ACO2: variants seen among roughly 807,000 people sequenced by gnomAD.
The protein encoded by ACO2 is aconitase 2.
ACO2 carries 31 observed loss-of-function variants against 84.5 expected under a neutral mutation model. The ratio of observed to expected loss-of-function variants is 0.37; its 90% CI spans 0.28 to 0.50. The LOEUF (loss-of-function observed/expected upper bound fraction) is 0.50. ACO2 is among the 20% of genes least tolerant of loss of function. The probability of loss-of-function intolerance (pLI) is 0.97; values close to 1 mark genes in which losing one functional copy is unlikely to be tolerated. For synonymous variants in ACO2, 414 were observed against 412.7 expected (o/e 1.00, Z -0.04); for missense variants, 685 against 1,029.3 (o/e 0.67, Z 4.58).
At chr22:41,524,419 G>C (rs570162030) in intron 12 of ACO2, among the ~76,000 whole-genome samples, 30 of 152,290 alleles carry the variant, frequency 2.0e-4, no homozygotes, top group Admixed American at 1.1e-3. Context: ...ACATGGCCAG[G>C]CTCTCTTGAC....
At chr22:41,492,773 C>CA (rs1008123694) in intron 1 of ACO2, among the ~76,000 whole-genome samples, 5 of 151,266 alleles carry the variant, frequency 3.3e-5, no homozygotes, top group Non-Finnish European at 5.9e-5. Context: ...AACTCCATCT[C>CA]AAAAAAAATA....
intron 1 of ACO2, among the ~76,000 whole-genome samples, chr22:41,498,513 C>G (rs1407950045): frequency 6.6e-6 from 1 of 152,160 alleles, no homozygotes; most frequent in Non-Finnish European, 1.5e-5. Flanking sequence ...AAGATGTCAG[C>G]CGGGGCTAGC....
chr22:41,506,289 A>C (rs1206316815), intron 2 of ACO2, among the ~76,000 whole-genome samples: 1 of 149,422 alleles, frequency 6.7e-6, no homozygotes, highest in Non-Finnish European at 1.5e-5. Flanking sequence ...GTCTTGCTCT[A>C]TTGCCCAGGC....
intron 9 of ACO2, chr22:41,521,684 T>C (rs762684246): frequency 6.6e-6 from 1 of 152,014 alleles, no homozygotes; most frequent in Non-Finnish European, 1.5e-5. Context: ...AGAAAAAAAA[T>C]ATTTGGTGGT....
intron 1 of ACO2, 36 bp downstream of exon 1, chr22:41,469,218 CG>C (rs751698753): frequency 8.8e-6 from 14 of 1,599,022 alleles, no homozygotes; most frequent in East Asian, 2.3e-5. Context: ...TTCACGGGGG[CG>C]GGGTGCCTCC....
intron 1 of ACO2, among the ~76,000 whole-genome samples, chr22:41,478,429 C>A (rs1285279938): frequency 6.6e-6 from 1 of 152,176 alleles, no homozygotes; most frequent in East Asian, 1.9e-4. Context: ...CAGGCGTGAG[C>A]CACTGCGCCT....
rs375450980 is a variant in ACO2 at position 41,515,952 on chromosome 22, C to T, written c.835+35C>T. On this transcript the variant is annotated intron_variant, in intron 6 of 17. Transcript: ENST00000216254. The surrounding 1 kb of genome is among the most constrained non-coding windows in gnomAD (Gnocchi z 5.8). Reference sequence around the variant, plus strand: ...GCGGCCAGGCGACGTGGCCCCTACCCTGTGCTGGGCCTGATGGGTCTCCAG... The same window carrying T: ...GCGGCCAGGCGACGTGGCCCCTACCTTGTGCTGGGCCTGATGGGTCTCCAG... The T allele has an allele frequency of 4.1e-5, 65 of 1,599,472 alleles. No homozygotes were observed. In the African/African-American group the frequency reaches 7.0e-4, roughly 17 times the overall value.
At chr22:41,491,732 C>T (rs2146096899) in intron 1 of ACO2, among the ~76,000 whole-genome samples, 2 of 152,276 alleles carry the variant, frequency 1.3e-5, no homozygotes, top group Middle Eastern at 6.8e-3. Context: ...ATGAATAGGC[C>T]ATATGCCAAG....
chr22:41,492,014 C>T (rs1265068776), intron 1 of ACO2, among the ~76,000 whole-genome samples: 1 of 152,094 alleles, frequency 6.6e-6, no homozygotes, highest in African/African-American at 2.4e-5. Context: ...AAGGAGAGAC[C>T]TGAGCTTGCA....
chr22:41,476,141 C>T lies in ACO2; in HGVS notation c.36+6959C>T, dbSNP rs184647468. 1.1e-3 allele frequency among the ~76,000 whole-genome samples: 170 copies of T among 152,290 alleles called. 1 individual carries two copies. The highest frequency in any genetic ancestry group is 1.7e-3 in the Non-Finnish European group (119 of 68,022). On this transcript the variant is annotated intron_variant, in intron 1 of 17. Coordinates refer to ENST00000216254, the MANE Select transcript of ACO2 (RefSeq NM_001098.3). Reference sequence around the variant, plus strand: ...AAGCATTGTGAGCCGGGTGTGGTGCCTCATGCCTGTAATCCCAGCACTTTG... The same window carrying T: ...AAGCATTGTGAGCCGGGTGTGGTGCTTCATGCCTGTAATCCCAGCACTTTG...
chr22:41,473,639 G>A (rs2146075560), intron 1 of ACO2, among the ~76,000 whole-genome samples: 1 of 152,298 alleles, frequency 6.6e-6, no homozygotes, highest in Middle Eastern at 3.4e-3. Flanking sequence ...TAAGAATATT[G>A]TATTACTGAG....
intron 17 of ACO2, 47 bp from the exon 18 acceptor site, chr22:41,528,432 G>T: frequency 6.2e-7 from 1 of 1,600,296 alleles, no homozygotes. Context: ...GGGGCCAAGG[G>T]CACACAGTAC....
intron 1 of ACO2, among the ~76,000 whole-genome samples, chr22:41,496,231 C>T (rs2066312385): frequency 6.6e-6 from 1 of 151,956 alleles, no homozygotes; most frequent in African/African-American, 2.4e-5. Context: ...AGGAGAATTG[C>T]TTGAACCTGG....
At chr22:41,489,601 T>G (rs1212625216) in intron 1 of ACO2, among the ~76,000 whole-genome samples, 1 of 152,166 alleles carries the variant, frequency 6.6e-6, no homozygotes, top group Non-Finnish European at 1.5e-5. Context: ...TCATTGTTCT[T>G]TTTTCCTCCT....
rs2066403991 is a variant in ACO2 at position 41,507,723 on chromosome 22, G to C, written c.174-68G>C. The C allele has an allele frequency of 6.4e-6, 10 of 1,559,280 alleles. No individual in the cohort carries two copies. In the East Asian group the frequency reaches 2.3e-4, roughly 35 times the overall value. On this transcript the variant is annotated intron_variant, in intron 2 of 17. Coordinates refer to ENST00000216254, the MANE Select transcript of ACO2 (RefSeq NM_001098.3). Reference sequence around the variant, plus strand: ...GTTGAGGTTGCCACATGGACTGAGAGGGAGAGGCAGGGCGGGAGGAGGCCG... The same window carrying C: ...GTTGAGGTTGCCACATGGACTGAGACGGAGAGGCAGGGCGGGAGGAGGCCG...
chr22:41,504,361 C>T (rs1175135999), intron 2 of ACO2, among the ~76,000 whole-genome samples: 1 of 152,234 alleles, frequency 6.6e-6, no homozygotes, highest in Non-Finnish European at 1.5e-5. Context: ...GGATCTGTGT[C>T]ATCTGGAGAG....
chr22:41,472,226 G>A (rs1214847209), intron 1 of ACO2, among the ~76,000 whole-genome samples: 5 of 151,900 alleles, frequency 3.3e-5, no homozygotes, highest in East Asian at 1.9e-4. Context: ...GGTGGCAGGC[G>A]CCTGTAGTCC....
intron 1 of ACO2, among the ~76,000 whole-genome samples, chr22:41,484,871 C>CTTT (rs1231320140): frequency 5.0e-5 from 6 of 118,994 alleles, no homozygotes; most frequent in East Asian, 2.4e-4. Flanking sequence ...GGAGTCAGCT[C>CTTT]TTTTTTTTTT....
chr22:41,497,127 G>A (rs138420756), intron 1 of ACO2, among the ~76,000 whole-genome samples: 2,234 of 151,710 alleles, frequency 0.015, 25 homozygotes, highest in Non-Finnish European at 0.02. Flanking sequence ...GGAGTGAAGT[G>A]GGGTGATCTT....
Sources: allele counts gnomAD v4.1 joint callset (sites outside exome capture counted in the v4.1 genomes callset), GRCh38; gene constraint gnomAD v4.1.1; non-coding constraint Gnocchi (gnomAD v3.1); transcripts MANE v1.5; gene names NCBI Gene and HGNC (gene_info 2026-07-23, HGNC 2026-07-21).